Variants in USP19 observed in about 807,000 individuals in gnomAD.
The protein encoded by USP19 is ubiquitin carboxyl-terminal hydrolase 19.
In USP19, 40 loss-of-function variants were observed where a neutral mutation model predicts 144.8. The observed-to-expected ratio is 0.28, with a 90% CI of 0.21 to 0.36. The LOEUF (loss-of-function observed/expected upper bound fraction) is 0.36, where lower values mean the gene tolerates loss of function less well. Among genes scored for constraint, USP19 ranks in the 10% least tolerant of loss-of-function variants. The pLI, the probability that USP19 is intolerant of heterozygous loss-of-function variation, is 1.00. For synonymous variants in USP19, 701 were observed against 709.3 expected (o/e 0.99, Z 0.19); for missense variants, 1,518 against 1,822.5 (o/e 0.83, Z 3.04).
chr3:49,115,463 T>G lies in USP19; in HGVS notation c.1869A>C (p.Glu623Asp). ...CCTCACCATGGAAGAAGTCCCGGAG[T>G]TCCCGAGTGTTGGACAGAGACTGAA... ...SVIQSLSNTR[E>D]LRDFFHDRSF... Residue 623 changes from glutamate (E) to aspartate (D), a missense_variant, in exon 12 of 27, where the codon GAA becomes GAC. By Grantham distance (45) the Glu-to-Asp change is conservative. Transcript: ENST00000417901. The surrounding 1 kb of genome is among the most constrained non-coding windows in gnomAD (Gnocchi z 6.6). 1 of 1,613,974 alleles carries G rather than the reference T, an allele frequency of 6.2e-7. No individual in the cohort carries two copies. The highest frequency in any genetic ancestry group is 1.1e-5 in the South Asian group (1 of 91,066).
chr3:49,110,016 A>T lies in USP19; in HGVS notation c.4038+168T>A. On this transcript the variant is annotated intron_variant, in intron 26 of 26. Coordinates refer to ENST00000417901, the MANE Select transcript of USP19 (RefSeq NM_001199161.2). The surrounding 1 kb of genome is among the most constrained non-coding windows in gnomAD (Gnocchi z 6.1). ...GTATGTTTGTTAGTGTCCCCAAGGC[A>T]TGGGGATGCCTCTGGCTAAAGCTTT... 2.7e-6 allele frequency: 2 copies of T among 739,760 alleles called. No individual in the cohort carries two copies. The highest frequency in any genetic ancestry group is 6.9e-5 in the South Asian group (2 of 28,898). 45.8% of individuals were successfully genotyped at this position (739,760 alleles called of 1,614,324 possible).
chr3:49,108,543 G>T lies in USP19; in HGVS notation c.4039-15C>A. On this transcript the variant is annotated splice_polypyrimidine_tract_variant and intron_variant, in intron 26 of 26. Transcript: ENST00000417901. This position sits in a 1 kb window ranked among gnomAD's most constrained non-coding sequence, Gnocchi z 4.8. ...GGGCCTAGTCCCTGCAACAGAATAC[G>T]AGGACAGGGGTTGGGGGCTGCCCAG... is the stretch of plus-strand genomic sequence containing the variant. The T allele has an allele frequency of 8.1e-7, 1 of 1,234,488 alleles. No individual in the cohort carries two copies. Among genetic ancestry groups the T allele is most frequent in the South Asian group, 2.7e-5 (1 of 37,360 alleles). 76.5% of individuals were successfully genotyped at this position (1,234,488 alleles called of 1,614,324 possible).
chr3:49,112,220 G>A lies in USP19; in HGVS notation c.2765+64C>T. The A allele has an allele frequency of 1.3e-6, 2 of 1,559,838 alleles. No homozygotes were observed. Among genetic ancestry groups the A allele is most frequent in the African/African-American group, 1.4e-5 (1 of 73,628 alleles). On this transcript the variant is annotated intron_variant, in intron 19 of 26. Coordinates refer to ENST00000417901, the MANE Select transcript of USP19 (RefSeq NM_001199161.2). The surrounding 1 kb of genome is among the most constrained non-coding windows in gnomAD (Gnocchi z 4.9). Reference sequence around the variant, plus strand: ...AAGCATATGTGCCTTGGTGTGAAGGGAAGGAGCAGGGTGGCACATGGAAGG... The same window carrying A: ...AAGCATATGTGCCTTGGTGTGAAGGAAAGGAGCAGGGTGGCACATGGAAGG...
rs1312986115 is a variant in USP19 at position 49,120,817 on chromosome 3, C to T, written c.-198G>A. 1.6e-5 allele frequency: 4 copies of T among 256,196 alleles called. No individual in the cohort carries two copies. Among genetic ancestry groups the T allele is most frequent in the Admixed American group, 5.2e-5 (1 of 19,378 alleles). 15.9% of individuals were successfully genotyped at this position (256,196 alleles called of 1,614,324 possible). On this transcript the variant is annotated 5_prime_UTR_variant, in exon 1 of 27. Transcript: ENST00000417901. ...TGGCAACCCGCTCTCCGTTCCGGTTCCGGCGCAGGTCGGTTCCGGTTCCGG... is the reference window on the plus strand; with the variant it reads ...TGGCAACCCGCTCTCCGTTCCGGTTTCGGCGCAGGTCGGTTCCGGTTCCGG...
rs1359732333 is a variant in USP19 at position 49,116,689 on chromosome 3, C to T, written c.1126+38G>A. The T allele has an allele frequency of 6.2e-7, 1 of 1,607,130 alleles. No individual in the cohort carries two copies. The highest frequency in any genetic ancestry group is 1.7e-5 in the Admixed American group (1 of 59,726). On this transcript the variant is annotated intron_variant, in intron 7 of 26. Coordinates refer to ENST00000417901, the MANE Select transcript of USP19 (RefSeq NM_001199161.2). This position sits in a 1 kb window ranked among gnomAD's most constrained non-coding sequence, Gnocchi z 5.0. ...CTCTATCCACCTACAAACTTTGCAA[C>T]CCAACCTAGGGCTCTGCCTGCCCAC...
At position 49,117,990 on chromosome 3, in the gene USP19, C is replaced by T. The variant is rs765059962; in HGVS notation, c.255G>A (p.Ser85=). 28 of 1,608,648 alleles carry T rather than the reference C, an allele frequency of 1.7e-5. No homozygotes were observed. Among genetic ancestry groups the T allele is most frequent in the East Asian group, 6.7e-5 (3 of 44,864 alleles). Residue 85 remains serine, a synonymous_variant, in exon 3 of 27, where the codon TCG becomes TCA. Coordinates refer to ENST00000417901, the MANE Select transcript of USP19 (RefSeq NM_001199161.2). This position sits in a 1 kb window ranked among gnomAD's most constrained non-coding sequence, Gnocchi z 4.4. ...RHRTRLFFPS[S]SGSASTPQEE... The stretch of plus-strand genomic sequence containing the variant: ...CTTGAGGAGTGGATGCTGACCCTGA[C>T]GATGAAGGAAAGAACAGCCGGGTAC...
chr3:49,113,492 G>A (rs1223269782), intron 17 of USP19, among the ~76,000 whole-genome samples: 1 of 152,084 alleles, frequency 6.6e-6, no homozygotes, highest in African/African-American at 2.4e-5. Context: ...GTAAGCCAGG[G>A]TGGTCTGGAT....
chr3:49,110,783 T>C lies in USP19; in HGVS notation c.3626A>G (p.Gln1209Arg). The change falls in exon 24 of 27, where the codon CAG becomes CGG. Residue 1209 changes from glutamine (Q) to arginine (R), a missense_variant. Transcript: ENST00000417901. This position sits in a 1 kb window ranked among gnomAD's most constrained non-coding sequence, Gnocchi z 6.1. ...ACTACGAAAGGAGAAGCGCTTGAGC[T>C]GCACGATGAGAACATTTGGCAGGCG... ...LWRLPNVLIV[Q>R]LKRFSFRSFI... is the part of the protein sequence containing the mutation. 6.2e-7 allele frequency: 1 copy of C among 1,614,232 alleles called. No homozygotes were observed. Among genetic ancestry groups the C allele is most frequent in the South Asian group, 1.1e-5 (1 of 91,088 alleles).
At chr3:49,109,185 C>A in intron 26 of USP19, 1 of 1,473,542 alleles carries the variant, frequency 6.8e-7, no homozygotes, top group Non-Finnish European at 9.0e-7. Context: ...ATCCGGGAAG[C>A]CTAGGGTATG....
chr3:49,108,891 C>A lies in USP19; in HGVS notation c.4039-363G>T. 1 of 1,532,676 alleles carries A rather than the reference C, an allele frequency of 6.5e-7. No homozygotes were observed. The highest frequency in any genetic ancestry group is 8.8e-7 in the Non-Finnish European group (1 of 1,140,006). The allele number at this position is 1,532,676 out of a possible 1,614,324, so 94.9% of individuals were successfully genotyped here. On this transcript the variant is annotated intron_variant, in intron 26 of 26. Coordinates refer to ENST00000417901, the MANE Select transcript of USP19 (RefSeq NM_001199161.2). The surrounding 1 kb of genome is among the most constrained non-coding windows in gnomAD (Gnocchi z 4.8). ...GCCCAAAGCCCAGAGGTGTTCCCCA[C>A]AACAAAGGCAGGCATGGCCTGGGGC...
At chr3:49,120,085 C>T (rs187862773) in intron 1 of USP19, among the ~76,000 whole-genome samples, 14 of 152,298 alleles carry the variant, frequency 9.2e-5, no homozygotes, top group African/African-American at 3.4e-4. Flanking sequence ...TCCCACAGAC[C>T]CACCAGTGGA....
chr3:49,110,024 G>T lies in USP19; in HGVS notation c.4038+160C>A. 1.3e-6 allele frequency: 1 copy of T among 794,798 alleles called. No individual in the cohort carries two copies. Among genetic ancestry groups the T allele is most frequent in the Non-Finnish European group, 1.8e-6 (1 of 555,808 alleles). 49.2% of individuals were successfully genotyped at this position (794,798 alleles called of 1,614,324 possible). A position where few individuals can be genotyped will look rare whatever the true frequency, so the allele number is the denominator to read the frequency against. On this transcript the variant is annotated intron_variant, in intron 26 of 26. Coordinates refer to ENST00000417901, the MANE Select transcript of USP19 (RefSeq NM_001199161.2). The surrounding 1 kb of genome is among the most constrained non-coding windows in gnomAD (Gnocchi z 6.1). ...GTTAGTGTCCCCAAGGCATGGGGAT[G>T]CCTCTGGCTAAAGCTTTGATGTTAA...
Position 49,111,883 on chromosome 3 carries a change from C to T in USP19, c.2903+28G>A. On this transcript the variant is annotated intron_variant, in intron 20 of 26. Coordinates refer to ENST00000417901, the MANE Select transcript of USP19 (RefSeq NM_001199161.2). The surrounding 1 kb of genome is among the most constrained non-coding windows in gnomAD (Gnocchi z 5.9). ...CTAGCACCTCTGCCCCCACCTACAC[C>T]ACTCTAGTCCAACCACTGGGCACTT... 6.2e-7 allele frequency: 1 copy of T among 1,612,498 alleles called. No individual in the cohort carries two copies. The highest frequency in any genetic ancestry group is 8.5e-7 in the Non-Finnish European group (1 of 1,179,068).
Position 49,108,660 on chromosome 3 carries a change from C to CA in USP19, c.4039-133dup. 7.8e-7 allele frequency: 1 copy of CA among 1,289,590 alleles called. No homozygotes were observed. Among genetic ancestry groups the CA allele is most frequent in the African/African-American group, 1.5e-5 (1 of 65,410 alleles). 79.9% of individuals were successfully genotyped at this position (1,289,590 alleles called of 1,614,324 possible). ...GGCGCAGACAGCAGCGGCGTTGAGA[C>CA]AGAGAGACGAGATTGGGCCTGAATA... On this transcript the variant is annotated intron_variant, in intron 26 of 26. Coordinates refer to ENST00000417901, the MANE Select transcript of USP19 (RefSeq NM_001199161.2). This position sits in a 1 kb window ranked among gnomAD's most constrained non-coding sequence, Gnocchi z 4.8.
In USP19 at chr3:49,117,537, T is replaced by G. The variant is rs374515105; in HGVS notation, c.506A>C (p.Glu169Ala). The G allele has an allele frequency of 1.2e-6, 2 of 1,613,928 alleles. No individual in the cohort carries two copies. The highest frequency in any genetic ancestry group is 1.3e-5 in the African/African-American group (1 of 74,888). The change falls in exon 5 of 27, where the codon GAG becomes GCG. Residue 169 changes from glutamate (E) to alanine (A), a missense_variant. Physicochemically the swap from Glu to Ala is moderately radical, Grantham distance 107. This residue lies in a region of USP19 where 707 missense variants were observed against 728.9 expected (regional missense o/e 0.97). Transcript: ENST00000417901. The surrounding 1 kb of genome is among the most constrained non-coding windows in gnomAD (Gnocchi z 4.4). Reference sequence around the variant, plus strand: ...CACTTTAGCACAAGAGCTTTTTATCTCAGCATAGAAGACACCACCCCACTG... The same window carrying G: ...CACTTTAGCACAAGAGCTTTTTATCGCAGCATAGAAGACACCACCCCACTG... ...GQQWGGVFYA[E>A]IKSSCAKVQT...
chr3:49,117,560 C>T lies in USP19; in HGVS notation c.483G>A (p.Gln161=). Residue 161 remains glutamine, a synonymous_variant, in exon 5 of 27, where the codon CAG becomes CAA. Coordinates refer to ENST00000417901, the MANE Select transcript of USP19 (RefSeq NM_001199161.2). The surrounding 1 kb of genome is among the most constrained non-coding windows in gnomAD (Gnocchi z 4.4). The stretch of plus-strand genomic sequence containing the variant: ...TCTCAGCATAGAAGACACCACCCCA[C>T]TGCTGACCACCTGGGGACAGAGCAG... The part of the protein sequence containing the change: ...DCVVRFAGGQ[Q]WGGVFYAEIK... The T allele has an allele frequency of 1.9e-6, 3 of 1,614,152 alleles. No homozygotes were observed. Among genetic ancestry groups the T allele is most frequent in the East Asian group, 2.2e-5 (1 of 44,886 alleles).
rs749572699 is a variant in USP19 at position 49,115,198 on chromosome 3, C to T, written c.2022+30G>A. ...GCTGGCTGGCCCTCCCCGCCCCCTC[C>T]AGCCAAGGGTGACAGTGGTCACAGA... On this transcript the variant is annotated intron_variant, in intron 13 of 26. Transcript: ENST00000417901. The surrounding 1 kb of genome is among the most constrained non-coding windows in gnomAD (Gnocchi z 6.6). 38 of 1,613,430 alleles carry T rather than the reference C, an allele frequency of 2.4e-5. No homozygotes were observed. Among genetic ancestry groups the T allele is most frequent in the Non-Finnish European group, 3.2e-5 (38 of 1,179,822 alleles).
chr3:49,118,161 A>C lies in USP19; in HGVS notation c.125-41T>G, dbSNP rs762983843. 14 of 760,446 alleles carry C rather than the reference A, an allele frequency of 1.8e-5. No individual in the cohort carries two copies. In the South Asian group the frequency reaches 2.2e-4, roughly 12 times the overall value. 47.1% of individuals were successfully genotyped at this position (760,446 alleles called of 1,614,324 possible). ...GAAAAATTAGTCAAGCATGGTGAGG[A>C]GGCTGAGGTAGGAGGACTGCTTGAG... On this transcript the variant is annotated intron_variant, in intron 2 of 26. Coordinates refer to ENST00000417901, the MANE Select transcript of USP19 (RefSeq NM_001199161.2).
intron 26 of USP19, chr3:49,109,293 C>G: frequency 7.6e-7 from 1 of 1,324,020 alleles, no homozygotes; most frequent in Non-Finnish European, 1.0e-6. Flanking sequence ...GGCTAACACC[C>G]TGCATTCTAG....
Sources: gnomAD v4.1 joint callset for allele counts (sites outside exome capture counted in the v4.1 genomes callset) on GRCh38, gnomAD v4.1.1 for gene constraint, gnomAD v4.1.1 regional missense constraint, Gnocchi (gnomAD v3.1) non-coding constraint, MANE v1.5 for transcripts, NCBI Gene and HGNC (gene_info 2026-07-23, HGNC 2026-07-21) for gene names.